Variants in GRK7 observed in about 807,000 individuals in gnomAD.
GRK7 encodes the protein G protein-coupled receptor kinase 7.
GRK7 carries 24 observed loss-of-function variants against 34.1 expected under a neutral mutation model. The observed-to-expected ratio is 0.70, with a 90% CI of 0.51 to 0.99. The LOEUF (loss-of-function observed/expected upper bound fraction) is 0.99. Among genes scored for constraint, GRK7 ranks in the 50% least tolerant of loss-of-function variants. GRK7 has a pLI of 0.00. For synonymous variants in GRK7, 256 were observed against 279.4 expected (o/e 0.92, Z 0.84); for missense variants, 644 against 707.3 (o/e 0.91, Z 1.02).
At chr3:141,808,048 A>G (rs769383075) in intron 5 of GRK7, 129 bp downstream of exon 5, 2 of 780,396 alleles carry the variant, frequency 2.6e-6, no homozygotes, top group Non-Finnish European at 3.8e-6. Context: ...TTTGCATATT[A>G]TATGGTTAAA....
chr3:141,804,652 T>C (rs1040846099), intron 4 of GRK7, among the ~76,000 whole-genome samples: 8 of 146,168 alleles, frequency 5.5e-5, no homozygotes, highest in Admixed American at 1.4e-4. Context: ...CATGCACATA[T>C]ACACACACAT....
intron 5 of GRK7, among the ~76,000 whole-genome samples, chr3:141,812,936 G>A (rs574501662): frequency 6.6e-6 from 1 of 152,254 alleles, no homozygotes; most frequent in South Asian, 2.1e-4. Flanking sequence ...GTGGCACCTA[G>A]TCCCATTCCA....
chr3:141,760,045 CTT>C (rs1207420486), upstream of GRK7, among the ~76,000 whole-genome samples: 3 of 139,986 alleles, frequency 2.1e-5, no homozygotes, highest in Non-Finnish European at 4.7e-5. Flanking sequence ...ATTCTTCTCT[CTT>C]TTTTTCTTTA....
chr3:141,796,159 G>A (rs543225500), intron 4 of GRK7, among the ~76,000 whole-genome samples: 1 of 152,306 alleles, frequency 6.6e-6, no homozygotes, highest in East Asian at 1.9e-4. Context: ...TGTGCAGGCT[G>A]ACTCCCTGCA....
chr3:141,793,344 G>C (rs981883130), intron 4 of GRK7, among the ~76,000 whole-genome samples: 1 of 152,216 alleles, frequency 6.6e-6, no homozygotes, highest in Non-Finnish European at 1.5e-5. Context: ...CCAGGAGATA[G>C]TGTCATAATG....
chr3:141,778,559 A>G lies in GRK7; in HGVS notation c.275A>G (p.Asn92Ser). ...GCAACCTTCCTAGAGGACGTGCAGAACTGGGAGCTGGCCGAGGAGGGACCC... is the reference window on the plus strand; with the variant it reads ...GCAACCTTCCTAGAGGACGTGCAGAGCTGGGAGCTGGCCGAGGAGGGACCC... ...KAATFLEDVQ[N>S]WELAEEGPTK... Residue 92 changes from asparagine (N) to serine (S), a missense_variant, in exon 3 of 6, where the codon AAC (asparagine) becomes AGC (serine). Coordinates refer to ENST00000682958, the MANE Select transcript of GRK7 (RefSeq NM_139209.3). The surrounding 1 kb of genome is among the most constrained non-coding windows in gnomAD (Gnocchi z 4.1). 1 of 1,613,226 alleles carries G rather than the reference A, an allele frequency of 6.2e-7. No individual in the cohort carries two copies. The highest frequency in any genetic ancestry group is 1.3e-5 in the African/African-American group (1 of 75,016).
In GRK7 at chr3:141,778,774, A is replaced by G; in HGVS notation, c.490A>G (p.Lys164Glu). ...AMAFLQEQPF[K>E]DFVTSAFYDK... ...GGCTTTCTTGCAAGAGCAGCCCTTT[A>G]AGGATTTCGTGACCAGCGCCTTCTA... Residue 164 changes from lysine to glutamate, a missense_variant, in exon 3 of 6, where the codon AAG becomes GAG. Transcript: ENST00000682958. The surrounding 1 kb of genome is among the most constrained non-coding windows in gnomAD (Gnocchi z 4.1). 1 of 1,608,166 alleles carries G rather than the reference A, an allele frequency of 6.2e-7. No individual in the cohort carries two copies. The highest frequency in any genetic ancestry group is 8.5e-7 in the Non-Finnish European group (1 of 1,177,732).
At position 141,763,538 on chromosome 3, in the gene GRK7, C is replaced by A. The variant is rs1010649386; in HGVS notation, c.-2415C>A. 1.3e-5 allele frequency among the ~76,000 whole-genome samples: 2 copies of A among 152,146 alleles called. No individual in the cohort carries two copies. The highest frequency in any genetic ancestry group is 2.9e-5 in the Non-Finnish European group (2 of 68,028). ...GGCCCCAGTGCTGTGCCTAAGACCT[C>A]CTTCAACTTAGCAGTAGCCCAGTGG... On this transcript the variant is annotated 5_prime_UTR_variant, in exon 1 of 6. Transcript: ENST00000682958.
the GRK7 span, among the ~76,000 whole-genome samples, chr3:141,757,129 CTTT>C: frequency 7.9e-5 from 8 of 101,358 alleles, no homozygotes; most frequent in South Asian, 1.2e-3. Flanking sequence ...AGATCTTCTT[CTTT>C]TTTTTTTTTT....
intron 4 of GRK7, among the ~76,000 whole-genome samples, chr3:141,787,745 C>T (rs1004292407): frequency 9.9e-5 from 15 of 151,892 alleles, no homozygotes; most frequent in Non-Finnish European, 2.2e-4. Flanking sequence ...CTGTGACTCA[C>T]GCCTGTAATC....
At chr3:141,784,851 G>A (rs1281909400) in intron 4 of GRK7, among the ~76,000 whole-genome samples, 3 of 152,194 alleles carry the variant, frequency 2.0e-5, no homozygotes, top group Non-Finnish European at 4.4e-5. Context: ...CTGCCGCTGT[G>A]AATAGATGAA....
At position 141,818,917 on chromosome 3, in the gene GRK7, C is replaced by T. The variant is rs181984932; in HGVS notation, c.*1867C>T. ...GCCCTCTGAGAGTTGAGGCCTCGGCCGGTGCACCTGCGGCTCACTTTCCCG... is the reference window on the plus strand; with the variant it reads ...GCCCTCTGAGAGTTGAGGCCTCGGCTGGTGCACCTGCGGCTCACTTTCCCG... On this transcript the variant is annotated 3_prime_UTR_variant, in exon 6 of 6. Coordinates refer to ENST00000682958, the MANE Select transcript of GRK7 (RefSeq NM_139209.3). Among the ~76,000 whole-genome samples the T allele has an allele frequency of 2.0e-5, 3 of 152,318 alleles. No individual in the cohort carries two copies. The highest frequency in any genetic ancestry group is 2.1e-4 in the South Asian group (1 of 4,826).
chr3:141,756,404 G>T, the GRK7 span, among the ~76,000 whole-genome samples: 12 of 151,986 alleles, frequency 7.9e-5, no homozygotes, highest in African/African-American at 2.7e-4. Flanking sequence ...TTGAGCAAAA[G>T]AATTCAGGCA....
At chr3:141,813,528 G>C (rs890206658) in intron 5 of GRK7, among the ~76,000 whole-genome samples, 16 of 152,196 alleles carry the variant, frequency 1.1e-4, no homozygotes, top group African/African-American at 3.9e-4. Flanking sequence ...AGTCGGTTCT[G>C]GTAGATGGCA....
chr3:141,753,976 C>G, the GRK7 span, among the ~76,000 whole-genome samples: 1 of 152,200 alleles, frequency 6.6e-6, no homozygotes, highest in Non-Finnish European at 1.5e-5. Flanking sequence ...TGTCTCAATA[C>G]TGGGGTTCCT....
At chr3:141,813,863 A>T (rs929027078) in intron 5 of GRK7, among the ~76,000 whole-genome samples, 3 of 152,240 alleles carry the variant, frequency 2.0e-5, no homozygotes, top group African/African-American at 7.2e-5. Context: ...AGTCAAAAAT[A>T]CAGGACTTAG....
chr3:141,780,401 G>A lies in GRK7; in HGVS notation c.640G>A (p.Gly214Arg). Residue 214 changes from glycine to arginine, a missense_variant, in exon 4 of 6, where the codon GGG becomes AGG. Gly to Arg is a moderately radical substitution (Grantham distance 125). Transcript: ENST00000682958. ...ATGTGCCGTCCAGGTGAAAAACACT[G>A]GGAAGATGTATGCCTGTAAGAAACT... The part of the protein sequence containing the change: ...EVCAVQVKNT[G>R]KMYACKKLDK... 6.2e-7 allele frequency: 1 copy of A among 1,614,154 alleles called. No individual in the cohort carries two copies. Among genetic ancestry groups the A allele is most frequent in the Non-Finnish European group, 8.5e-7 (1 of 1,180,016 alleles).
At chr3:141,803,203 G>A (rs1710988656) in intron 4 of GRK7, among the ~76,000 whole-genome samples, 1 of 149,806 alleles carries the variant, frequency 6.7e-6, no homozygotes, top group Admixed American at 6.7e-5. Flanking sequence ...AAAGAGGATG[G>A]ATCACCTGAG....
At chr3:141,812,342 G>A (rs1023274139) in intron 5 of GRK7, among the ~76,000 whole-genome samples, 1 of 152,206 alleles carries the variant, frequency 6.6e-6, no homozygotes, top group Non-Finnish European at 1.5e-5. Context: ...CACAATGATG[G>A]GCCGAAAGAG....
Sources: allele counts gnomAD v4.1 joint callset (sites outside exome capture counted in the v4.1 genomes callset), GRCh38; gene constraint gnomAD v4.1.1; non-coding constraint Gnocchi (gnomAD v3.1); transcripts MANE v1.5; gene names NCBI Gene and HGNC (gene_info 2026-07-23, HGNC 2026-07-21).